SEMA3A: variants seen among roughly 807,000 people sequenced by gnomAD.
The protein encoded by SEMA3A is semaphorin 3A, also known as semaphorin-3A.
Under a neutral mutation model 97.9 loss-of-function variants are expected in SEMA3A, and 29 were observed. The observed-to-expected ratio is 0.30, with a 90% CI of 0.22 to 0.40. The LOEUF (loss-of-function observed/expected upper bound fraction) is 0.40, where lower values mean the gene tolerates loss of function less well. Among genes scored for constraint, SEMA3A ranks in the 10% least tolerant of loss-of-function variants. SEMA3A has a pLI of 1.00. For missense variants in SEMA3A, 763 were observed against 951.3 expected, an observed-to-expected ratio of 0.80 and a Z score of 2.60; for synonymous variants, 321 against 323.7, an observed-to-expected ratio of 0.99 and a Z score of 0.09.
chr7:84,129,154 T>C lies in SEMA3A; in HGVS notation c.302A>G (p.Asp101Gly), dbSNP rs758997400. 5.0e-6 allele frequency: 8 copies of C among 1,613,080 alleles called. No individual in the cohort carries two copies. In the Admixed American group the frequency reaches 1.3e-4, roughly 27 times the overall value. ...GTCTTTTCCAGCCCACTTGCATTCA[T>C]CTCTTCTGGTGTAAGATACTGGCCA... The part of the protein sequence containing the change: ...IVWPVSYTRR[D>G]ECKWAGKDIL... Residue 101 changes from aspartate (D) to glycine (G), a missense_variant, in exon 3 of 17, where the codon GAT (aspartate) becomes GGT (glycine). Asp to Gly is a moderately conservative substitution (Grantham distance 94). Coordinates refer to ENST00000265362, the MANE Select transcript of SEMA3A (RefSeq NM_006080.3).
chr7:84,472,445 C>T (rs368371245), intron 1 of SEMA3A, among the ~76,000 whole-genome samples: 1 of 152,092 alleles, frequency 6.6e-6, no homozygotes, highest in South Asian at 2.1e-4. Flanking sequence ...ATTAGTGCTT[C>T]GTGCTTCGTA....
Position 84,429,721 on chromosome 7 carries a change from T to C in SEMA3A, c.-245-57821A>G, listed in dbSNP as rs572704147. On this transcript the variant is annotated intron_variant, in intron 1 of 3. Transcript: ENST00000424555. ...GAGAGGATAGAGGGCAGATCTCTTA[T>C]CCAAGGGTGTTCTGTCAGGTAAGAC... Among the ~76,000 whole-genome samples, 4 of 150,632 alleles carry C rather than the reference T, an allele frequency of 2.7e-5. No homozygotes were observed. The South Asian group carries it at 8.4e-4, about 32-fold the overall frequency.
At chr7:84,430,412 T>TA (rs1388114416) in intron 1 of SEMA3A, among the ~76,000 whole-genome samples, 2 of 151,902 alleles carry the variant, frequency 1.3e-5, no homozygotes, top group Non-Finnish European at 2.9e-5. Context: ...TCATAACACT[T>TA]AAAAAACCAA....
chr7:84,215,785 G>A (rs1798738873), intron 3 of SEMA3A, among the ~76,000 whole-genome samples: 1 of 152,042 alleles, frequency 6.6e-6, no homozygotes, highest in Non-Finnish European at 1.5e-5. Flanking sequence ...AGTATAACTG[G>A]GGAAAATTAA....
At chr7:83,994,430 T>C (rs1790110403) in intron 12 of SEMA3A, among the ~76,000 whole-genome samples, 1 of 121,664 alleles carries the variant, frequency 8.2e-6, no homozygotes, top group African/African-American at 3.0e-5. Context: ...CTCTGTTTTT[T>C]CCCCATCTTT....
chr7:84,091,032 G>A (rs1396379105), intron 4 of SEMA3A, among the ~76,000 whole-genome samples: 1 of 148,462 alleles, frequency 6.7e-6, no homozygotes, highest in Non-Finnish European at 1.5e-5. Context: ...ACGAGATCAT[G>A]CCATTGCACT....
intron 1 of SEMA3A, among the ~76,000 whole-genome samples, chr7:84,421,240 AAAG>A (rs1329863482): frequency 4.7e-4 from 71 of 152,196 alleles, no homozygotes; most frequent in Admixed American, 4.5e-3. Flanking sequence ...TATAGTGCTG[AAAG>A]AAGAAAGTCA....
chr7:84,385,214 T>C (rs1803368091), intron 1 of SEMA3A, among the ~76,000 whole-genome samples: 1 of 151,944 alleles, frequency 6.6e-6, no homozygotes, highest in Non-Finnish European at 1.5e-5. Flanking sequence ...CAAGGAGGCA[T>C]TGTGAGGGGT....
At chr7:84,319,648 G>A (rs1438380129) in intron 2 of SEMA3A, among the ~76,000 whole-genome samples, 1 of 151,962 alleles carries the variant, frequency 6.6e-6, no homozygotes, top group Non-Finnish European at 1.5e-5. Flanking sequence ...AACCACAGTG[G>A]TATTAGCAAT....
At chr7:84,422,995 C>G (rs1222932320) in intron 1 of SEMA3A, among the ~76,000 whole-genome samples, 1 of 152,014 alleles carries the variant, frequency 6.6e-6, no homozygotes, top group Non-Finnish European at 1.5e-5. Flanking sequence ...TCCACACATT[C>G]ATTGAGCAAA....
Position 84,217,332 on chromosome 7 carries a change from A to G in SEMA3A, c.-82-22664T>C, listed in dbSNP as rs10235662. Among the ~76,000 whole-genome samples the G allele has an allele frequency of 7.8e-4, 118 of 152,212 alleles. 1 individual carries two copies. Among genetic ancestry groups the G allele is most frequent in the African/African-American group, 2.7e-3 (113 of 41,538 alleles). On this transcript the variant is annotated intron_variant, in intron 3 of 3. Coordinates refer to the SEMA3A transcript ENST00000424555. ...AGAAGAAATCAGCAATAAAAAGTGA[A>G]CCCTCAAAGATATGTTGATGATGCA...
chr7:84,287,616 T>C (rs1274652049), intron 3 of SEMA3A, among the ~76,000 whole-genome samples: 1 of 152,186 alleles, frequency 6.6e-6, no homozygotes, highest in Non-Finnish European at 1.5e-5. Flanking sequence ...TATATTCGTT[T>C]ACCTTGAAAA....
chr7:84,347,603 G>A (rs1448569691), intron 2 of SEMA3A, among the ~76,000 whole-genome samples: 2 of 151,902 alleles, frequency 1.3e-5, no homozygotes, highest in Non-Finnish European at 2.9e-5. Flanking sequence ...GTAGAGATGG[G>A]ATTTCACCAC....
chr7:84,349,249 G>A (rs1455075976), intron 2 of SEMA3A, among the ~76,000 whole-genome samples: 4 of 151,870 alleles, frequency 2.6e-5, no homozygotes, highest in Admixed American at 2.6e-4. Context: ...TACGTTATGG[G>A]TTCAACTCTG....
At chr7:83,965,949 G>A (rs1201621221) in intron 15 of SEMA3A, among the ~76,000 whole-genome samples, 1 of 149,982 alleles carries the variant, frequency 6.7e-6, no homozygotes, top group Non-Finnish European at 1.5e-5. Flanking sequence ...AAAGTGCTGG[G>A]ATTACAGGTG....
At chr7:84,230,524 A>G (rs1799094420) in intron 3 of SEMA3A, among the ~76,000 whole-genome samples, 1 of 152,016 alleles carries the variant, frequency 6.6e-6, no homozygotes, top group Non-Finnish European at 1.5e-5. Flanking sequence ...TCCTATGCAC[A>G]TAACTTTGAA....
chr7:84,391,587 T>G (rs1011660331), intron 1 of SEMA3A, among the ~76,000 whole-genome samples: 3 of 152,178 alleles, frequency 2.0e-5, no homozygotes, highest in African/African-American at 7.2e-5. Flanking sequence ...CAGGATTTTC[T>G]GCTGTTATTA....
intron 1 of SEMA3A, among the ~76,000 whole-genome samples, chr7:84,422,873 G>A (rs1804638322): frequency 6.6e-6 from 1 of 151,852 alleles, no homozygotes; most frequent in Admixed American, 6.6e-5. Flanking sequence ...ATCCCTATAG[G>A]GACCAAAGAA....
At chr7:84,020,587 T>C (rs1791292238) in intron 6 of SEMA3A, among the ~76,000 whole-genome samples, 1 of 152,042 alleles carries the variant, frequency 6.6e-6, no homozygotes, top group Non-Finnish European at 1.5e-5. Context: ...CTTACAAACT[T>C]TCCTCTTGAA....
Sources: allele counts gnomAD v4.1 joint callset (sites outside exome capture counted in the v4.1 genomes callset), GRCh38; gene constraint gnomAD v4.1.1; transcripts MANE v1.5; gene names NCBI Gene and HGNC (gene_info 2026-07-23, HGNC 2026-07-21).